IQCH: variants seen among roughly 807,000 people sequenced by gnomAD.
IQCH encodes IQ domain-containing protein H.
A neutral mutation model predicts 117.0 loss-of-function variants in IQCH; 98 were observed. The observed-to-expected ratio is 0.84, with a 90% CI of 0.71 to 0.99. The LOEUF is 0.99. Ranked by LOEUF, IQCH falls within the 50% of genes least tolerant of loss-of-function variation. The pLI is 0.00. For synonymous variants in IQCH, 412 were observed against 448.2 expected, an observed-to-expected ratio of 0.92 and a Z score of 1.02; for missense variants, 1,102 against 1,243.8, an observed-to-expected ratio of 0.89 and a Z score of 1.72.
At chr15:67,255,001 C>T (rs1006367107) in intron 1 of IQCH, 54 bp downstream of exon 1, 16 of 1,544,176 alleles carry the variant, frequency 1.0e-5, no homozygotes, top group Non-Finnish European at 1.2e-5. Flanking sequence ...CACTTCCGAG[C>T]GAGGTCCCGC....
At chr15:67,399,280 G>T (rs1219663832) in intron 13 of IQCH, among the ~76,000 whole-genome samples, 1 of 152,192 alleles carries the variant, frequency 6.6e-6, no homozygotes, top group Non-Finnish European at 1.5e-5. Context: ...ACTAGTAATT[G>T]TGTCCACCTC....
At position 67,385,874 on chromosome 15, in the gene IQCH, G is replaced by A. The variant is rs1170595895; in HGVS notation, c.1456+855G>A. Among the ~76,000 whole-genome samples, 1 of 152,114 alleles carries A rather than the reference G, an allele frequency of 6.6e-6. No individual in the cohort carries two copies. The highest frequency in any genetic ancestry group is 1.5e-5 in the Non-Finnish European group (1 of 68,004). On this transcript the variant is annotated intron_variant, in intron 11 of 20. Coordinates refer to ENST00000335894, the MANE Select transcript of IQCH (RefSeq NM_001031715.3). This position sits in a 1 kb window ranked among gnomAD's most constrained non-coding sequence, Gnocchi z 4.6. ...GCCCTTATTTAAGAAAAACAAGGAA[G>A]AATTTTAAATGATCAAGGACCAACT...
intron 4 of IQCH, among the ~76,000 whole-genome samples, chr15:67,306,432 A>T (rs534403307): frequency 6.6e-6 from 1 of 152,246 alleles, no homozygotes; most frequent in East Asian, 1.9e-4. Context: ...TTGGCTGCCG[A>T]GGGCCATGTG....
chr15:67,332,363 A>G (rs534532894), intron 4 of IQCH, among the ~76,000 whole-genome samples: 1 of 152,298 alleles, frequency 6.6e-6, no homozygotes, highest in East Asian at 1.9e-4. Flanking sequence ...CACAATAATT[A>G]TCATTGTGGA....
chr15:67,464,157 A>G (rs768428065), intron 16 of IQCH, among the ~76,000 whole-genome samples: 7 of 152,158 alleles, frequency 4.6e-5, no homozygotes, highest in African/African-American at 7.2e-5. Flanking sequence ...GGCAGGGCCT[A>G]TGCCTATTTA....
intron 10 of IQCH, among the ~76,000 whole-genome samples, chr15:67,379,039 T>G (rs1970831842): frequency 6.6e-6 from 1 of 152,200 alleles, no homozygotes; most frequent in South Asian, 2.1e-4. Flanking sequence ...AACACTAATC[T>G]AAATAACATA....
intron 4 of IQCH, among the ~76,000 whole-genome samples, chr15:67,324,689 T>C (rs1037038481): frequency 2.3e-4 from 35 of 152,064 alleles, no homozygotes; most frequent in African/African-American, 8.0e-4. Flanking sequence ...GGTATAGAAT[T>C]TGGGGTAGCC....
chr15:67,281,541 T>A (rs967450864), intron 4 of IQCH: 9 of 352,410 alleles, frequency 2.6e-5, no homozygotes, highest in African/African-American at 1.9e-4. Context: ...TGGCCTTGTG[T>A]GTAGATGCAG....
At chr15:67,435,773 G>A (rs965192906) in intron 16 of IQCH, among the ~76,000 whole-genome samples, 1 of 151,316 alleles carries the variant, frequency 6.6e-6, no homozygotes, top group African/African-American at 2.4e-5. Flanking sequence ...CTTGGAGGCT[G>A]AGGCACGAGA....
At chr15:67,298,911 C>T (rs1451311734) in intron 4 of IQCH, among the ~76,000 whole-genome samples, 5 of 152,016 alleles carry the variant, frequency 3.3e-5, no homozygotes, top group South Asian at 4.1e-4. Flanking sequence ...TATGATCCAG[C>T]AATCCCATTT....
chr15:67,364,763 A>G lies in IQCH; in HGVS notation c.753+4878A>G, dbSNP rs905661061. 6.6e-6 allele frequency among the ~76,000 whole-genome samples: 1 copy of G among 152,112 alleles called. No individual in the cohort carries two copies. Among genetic ancestry groups the G allele is most frequent in the African/African-American group, 2.4e-5 (1 of 41,418 alleles). On this transcript the variant is annotated intron_variant, in intron 8 of 20. Transcript: ENST00000335894. This position sits in a 1 kb window ranked among gnomAD's most constrained non-coding sequence, Gnocchi z 4.1. ...TATTCTTTTATTGGTATTATACTGTATATTCAACTCTGGTTTTACTCTTTT... is the reference window on the plus strand; with the variant it reads ...TATTCTTTTATTGGTATTATACTGTGTATTCAACTCTGGTTTTACTCTTTT...
In IQCH at chr15:67,496,890, C is replaced by T. The variant is rs1371779056; in HGVS notation, c.2970+2524C>T. ...AAAATTAGCCGGGCACGGTGGCGGG[C>T]GCCTGTAGTCCCAGCTACTCGGGAG... On this transcript the variant is annotated intron_variant, in intron 20 of 20. Coordinates refer to ENST00000335894, the MANE Select transcript of IQCH (RefSeq NM_001031715.3). This position sits in a 1 kb window ranked among gnomAD's most constrained non-coding sequence, Gnocchi z 4.4. Among the ~76,000 whole-genome samples the T allele has an allele frequency of 1.3e-5, 2 of 150,440 alleles. No individual in the cohort carries two copies. The highest frequency in any genetic ancestry group is 2.1e-4 in the South Asian group (1 of 4,732).
At chr15:67,291,844 G>C (rs1004045197) in intron 4 of IQCH, among the ~76,000 whole-genome samples, 1 of 152,186 alleles carries the variant, frequency 6.6e-6, no homozygotes, top group Non-Finnish European at 1.5e-5. Flanking sequence ...CTCCATGAGA[G>C]CAGCGACTTT....
Position 67,465,014 on chromosome 15 carries a change from A to G in IQCH, c.2506-113A>G. ...AAAAACATCTACTCCATTAAGACAC[A>G]TGGTCACTGGTTTCACTTAGTCTGA... is the stretch of plus-strand genomic sequence containing the variant. On this transcript the variant is annotated intron_variant, in intron 16 of 20. Transcript: ENST00000335894. The surrounding 1 kb of genome is among the most constrained non-coding windows in gnomAD (Gnocchi z 5.9). The G allele has an allele frequency of 2.2e-6, 2 of 910,560 alleles. No homozygotes were observed. The highest frequency in any genetic ancestry group is 3.4e-6 in the Non-Finnish European group (2 of 580,656). 56.4% of individuals were successfully genotyped at this position (910,560 alleles called of 1,614,324 possible).
intron 8 of IQCH, among the ~76,000 whole-genome samples, chr15:67,368,920 C>G (rs1341490825): frequency 6.6e-6 from 1 of 152,098 alleles, no homozygotes; most frequent in Admixed American, 6.5e-5. Context: ...GGGTTTCACT[C>G]TGTCACCCAG....
chr15:67,399,164 G>A (rs775050234), intron 13 of IQCH, among the ~76,000 whole-genome samples: 6 of 152,184 alleles, frequency 3.9e-5, no homozygotes, highest in Non-Finnish European at 8.8e-5. Flanking sequence ...AGGTTTTGGA[G>A]TCAAAGCAAC....
At chr15:67,418,577 C>CTTT (rs1174414517) in intron 15 of IQCH, among the ~76,000 whole-genome samples, 2 of 103,398 alleles carry the variant, frequency 1.9e-5, no homozygotes, top group Non-Finnish European at 3.8e-5. Context: ...GGTGTTTTTA[C>CTTT]TTTTTTTTTT....
At chr15:67,308,832 G>A (rs983324336) in intron 4 of IQCH, among the ~76,000 whole-genome samples, 4 of 152,002 alleles carry the variant, frequency 2.6e-5, no homozygotes, top group Admixed American at 6.6e-5. Context: ...AAAGCCCATT[G>A]CTCTGGGAGC....
rs1240128722 is a variant in IQCH at position 67,263,201 on chromosome 15, C to T, written c.254C>T (p.Pro85Leu). Residue 85 changes from proline (P) to leucine (L), a missense_variant, in exon 3 of 21, where the codon CCC (proline) becomes CTC (leucine). Transcript: ENST00000335894. ...TSVNDESLYTPQASKWLLPTV... is the reference protein window; with the variant it reads ...TSVNDESLYTLQASKWLLPTV... Reference sequence around the variant, plus strand: ...GTTAATGATGAGAGCTTATATACTCCCCAGGCTTCCAAATGGTAAGTAAAA... The same window carrying T: ...GTTAATGATGAGAGCTTATATACTCTCCAGGCTTCCAAATGGTAAGTAAAA... The T allele has an allele frequency of 1.3e-6, 2 of 1,553,646 alleles. No individual in the cohort carries two copies. Among genetic ancestry groups the T allele is most frequent in the Non-Finnish European group, 1.8e-6 (2 of 1,127,484 alleles).
Sources: allele counts gnomAD v4.1 joint callset (sites outside exome capture counted in the v4.1 genomes callset), GRCh38; gene constraint gnomAD v4.1.1; non-coding constraint Gnocchi (gnomAD v3.1); transcripts MANE v1.5; gene names NCBI Gene and HGNC (gene_info 2026-07-23, HGNC 2026-07-21).